HACD2: variants seen among roughly 807,000 people sequenced by gnomAD.
HACD2 encodes the protein 3-hydroxyacyl-CoA dehydratase 2, also known as very-long-chain (3R)-3-hydroxyacyl-CoA dehydratase 2.
HACD2 carries 15 observed loss-of-function variants against 31.0 expected under a neutral mutation model. That is an observed-to-expected ratio of 0.48 (90% CI 0.32 to 0.75). The LOEUF (loss-of-function observed/expected upper bound fraction) is 0.75, where lower values mean the gene tolerates loss of function less well. Among genes scored for constraint, HACD2 ranks in the 30% least tolerant of loss-of-function variants. HACD2 has a pLI of 0.03. For missense variants in HACD2, 283 were observed against 313.0 expected (o/e 0.90, Z 0.72); for synonymous variants, 115 against 122.2 (o/e 0.94, Z 0.39).
chr3:123,584,768 G>C, intron 1 of HACD2, 105 bp downstream of exon 1: 1 of 919,104 alleles, frequency 1.1e-6, no homozygotes, highest in Non-Finnish European at 1.5e-6. Flanking sequence ...CGCCGGGAAT[G>C]CACTGCCTGC....
chr3:123,577,199 T>C (rs574897252), intron 2 of HACD2, among the ~76,000 whole-genome samples: 1 of 152,336 alleles, frequency 6.6e-6, no homozygotes, highest in East Asian at 1.9e-4. Context: ...GTAAATGTCA[T>C]ATACAGCAAT....
intron 3 of HACD2, among the ~76,000 whole-genome samples, chr3:123,564,088 G>A (rs1219576298): frequency 1.3e-5 from 2 of 152,204 alleles, no homozygotes; most frequent in Non-Finnish European, 2.9e-5. Flanking sequence ...TATCGACAAG[G>A]TCTCGTCTGG....
chr3:123,542,673 C>A (rs1416332336), intron 3 of HACD2, among the ~76,000 whole-genome samples: 2 of 152,186 alleles, frequency 1.3e-5, no homozygotes, highest in Non-Finnish European at 2.9e-5. Context: ...AAAATGAGAA[C>A]AACTTGTTCT....
intron 3 of HACD2, among the ~76,000 whole-genome samples, chr3:123,529,112 AT>A (rs1192300617): frequency 1.3e-5 from 2 of 150,470 alleles, no homozygotes; most frequent in Admixed American, 6.6e-5. Context: ...TTCTTTATTT[AT>A]TTTTTGAGAC....
At chr3:123,554,600 T>C (rs985006176) in intron 3 of HACD2, among the ~76,000 whole-genome samples, 1 of 152,152 alleles carries the variant, frequency 6.6e-6, no homozygotes, top group African/African-American at 2.4e-5. Flanking sequence ...ATAACATAAA[T>C]GTAACAGAGT....
chr3:123,514,335 T>C (rs1305637294), intron 4 of HACD2, among the ~76,000 whole-genome samples: 3 of 152,000 alleles, frequency 2.0e-5, no homozygotes, highest in Admixed American at 6.6e-5. Context: ...ATGCCAATAA[T>C]TGGGGAATCT....
chr3:123,509,940 G>C lies in HACD2; in HGVS notation c.382-7259C>G, dbSNP rs574921471. 4.7e-3 allele frequency among the ~76,000 whole-genome samples: 713 copies of C among 152,150 alleles called. 2 individuals carry two copies. Among genetic ancestry groups the C allele is most frequent in the South Asian group, 7.1e-3 (34 of 4,812 alleles). ...AACCTTGTAAGAACATGTATAGGTA[G>C]GTTTTTCATCTTACCATCATTTTAA... On this transcript the variant is annotated intron_variant, in intron 4 of 6. Transcript: ENST00000383657.
At chr3:123,568,866 A>T (rs1008059461) in intron 2 of HACD2, among the ~76,000 whole-genome samples, 1 of 152,240 alleles carries the variant, frequency 6.6e-6, no homozygotes, top group African/African-American at 2.4e-5. Context: ...ACTTGCAGAC[A>T]AGAAAACCAA....
At chr3:123,495,517 T>C (rs1199733510) in intron 6 of HACD2, among the ~76,000 whole-genome samples, 2 of 151,302 alleles carry the variant, frequency 1.3e-5, no homozygotes, top group African/African-American at 2.4e-5. Flanking sequence ...TCTTGGGAAG[T>C]AGTTTCGGGT....
intron 2 of HACD2, among the ~76,000 whole-genome samples, chr3:123,572,215 T>C (rs1477386768): frequency 1.3e-5 from 2 of 152,112 alleles, no homozygotes; most frequent in East Asian, 3.9e-4. Context: ...CCCTTGAAAA[T>C]ACATGTTGCA....
chr3:123,558,945 C>A (rs756001698), intron 3 of HACD2, among the ~76,000 whole-genome samples: 1 of 152,130 alleles, frequency 6.6e-6, no homozygotes, highest in Non-Finnish European at 1.5e-5. Context: ...ATATGGCACC[C>A]ATTTTCATCA....
intron 6 of HACD2, among the ~76,000 whole-genome samples, chr3:123,497,557 C>G (rs987535957): frequency 6.6e-6 from 1 of 152,190 alleles, no homozygotes; most frequent in African/African-American, 2.4e-5. Context: ...ACCTGGAAAG[C>G]GCCAGCTTCT....
chr3:123,503,404 T>C (rs1177714796), intron 4 of HACD2, among the ~76,000 whole-genome samples: 1 of 152,132 alleles, frequency 6.6e-6, no homozygotes. Context: ...CCCAGAGGCC[T>C]GCATTAACTC....
chr3:123,564,690 C>T (rs982865885), intron 3 of HACD2, among the ~76,000 whole-genome samples: 10 of 152,016 alleles, frequency 6.6e-5, no homozygotes, highest in Admixed American at 3.3e-4. Flanking sequence ...GGAAAAGGGA[C>T]GGAGAACAGT....
Position 123,517,918 on chromosome 3 carries a change from CGCGG to C in HACD2, c.381+10464_381+10467del, listed in dbSNP as rs2056166912. Among the ~76,000 whole-genome samples, 2 of 1,784 alleles carry C rather than the reference CGCGG, an allele frequency of 1.1e-3. 1 individual carries two copies. Among genetic ancestry groups the C allele is most frequent in the Non-Finnish European group, 0.017 (2 of 118 alleles). 1.2% of individuals were successfully genotyped at this position (1,784 alleles called of 152,430 possible). On this transcript the variant is annotated intron_variant, in intron 4 of 6. Transcript: ENST00000383657. The stretch of plus-strand genomic sequence containing the variant: ...GTGCTTTAAAAATATTTGGGCCGGG[CGCGG>C]TGGCTCACGCCTGTAATCCCAGCAC...
At chr3:123,518,410 A>T (rs2056172273) in intron 4 of HACD2, among the ~76,000 whole-genome samples, 1 of 152,170 alleles carries the variant, frequency 6.6e-6, no homozygotes, top group African/African-American at 2.4e-5. Context: ...GTTCTTTTAA[A>T]ATCCTGTGGG....
intron 2 of HACD2, among the ~76,000 whole-genome samples, chr3:123,569,494 TG>T (rs2056829781): frequency 6.6e-6 from 1 of 152,144 alleles, no homozygotes; most frequent in South Asian, 2.1e-4. Context: ...CCTGAGTAGC[TG>T]GGACTACAGG....
At chr3:123,558,595 T>G (rs2056695843) in intron 3 of HACD2, among the ~76,000 whole-genome samples, 1 of 152,070 alleles carries the variant, frequency 6.6e-6, no homozygotes, top group South Asian at 2.1e-4. Context: ...TTTTAAAAAT[T>G]AATGGAAAGA....
chr3:123,566,733 C>T (rs2056796530), intron 3 of HACD2, among the ~76,000 whole-genome samples: 1 of 151,992 alleles, frequency 6.6e-6, no homozygotes, highest in African/African-American at 2.4e-5. Flanking sequence ...CCCATCTCTA[C>T]TAAAAATACA....
Sources: gnomAD v4.1 joint callset for allele counts (sites outside exome capture counted in the v4.1 genomes callset) on GRCh38, gnomAD v4.1.1 for gene constraint, MANE v1.5 for transcripts, NCBI Gene and HGNC (gene_info 2026-07-23, HGNC 2026-07-21) for gene names.